ALPK1: variants seen among roughly 807,000 people sequenced by gnomAD.
ALPK1 encodes alpha kinase 1, also known as alpha-protein kinase 1.
Under a neutral mutation model 120.6 loss-of-function variants are expected in ALPK1, and 110 were observed. The observed-to-expected ratio is 0.91, with a 90% confidence interval of 0.78 to 1.07. The LOEUF is 1.07. ALPK1 is among the 50% of genes least tolerant of loss of function. The pLI is 0.00. For missense variants in ALPK1, 1,498 were observed against 1,483.9 expected (o/e 1.01, Z -0.16); for synonymous variants, 582 against 560.3 (o/e 1.04, Z -0.55).
intron 2 of ALPK1, chr4:112,358,262 C>A: frequency 1.7e-6 from 1 of 589,090 alleles, no homozygotes; most frequent in Non-Finnish European, 3.2e-6. Flanking sequence ...AGCCCAGCTG[C>A]CCTCCTGGGT....
intron 4 of ALPK1, among the ~76,000 whole-genome samples, chr4:112,387,833 A>G (rs1177992413): frequency 2.0e-5 from 3 of 152,214 alleles, no homozygotes; most frequent in African/African-American, 7.2e-5. Flanking sequence ...TTATGTAGGT[A>G]AACTTGTGTC....
At chr4:112,402,399 A>C (rs755128127) in intron 4 of ALPK1, among the ~76,000 whole-genome samples, 10 of 152,194 alleles carry the variant, frequency 6.6e-5, no homozygotes, top group Non-Finnish European at 1.2e-4. Flanking sequence ...AACCATGAAA[A>C]CAGCACACAC....
intron 2 of ALPK1, among the ~76,000 whole-genome samples, chr4:112,371,447 C>A (rs1731399898): frequency 6.6e-6 from 1 of 152,200 alleles, no homozygotes; most frequent in African/African-American, 2.4e-5. Flanking sequence ...CTAGTTCAGC[C>A]AACCTCTCTG....
At chr4:112,348,086 T>C (rs1730175589) in intron 2 of ALPK1, among the ~76,000 whole-genome samples, 1 of 152,160 alleles carries the variant, frequency 6.6e-6, no homozygotes, top group African/African-American at 2.4e-5. Context: ...AATCATCCCC[T>C]AAGCCAGGTG....
At chr4:112,376,483 T>G (rs1731667860) in intron 2 of ALPK1, among the ~76,000 whole-genome samples, 1 of 152,182 alleles carries the variant, frequency 6.6e-6, no homozygotes, top group Non-Finnish European at 1.5e-5. Flanking sequence ...AAAATTTAGA[T>G]TACACAGTTA....
intron 2 of ALPK1, among the ~76,000 whole-genome samples, chr4:112,334,093 C>T (rs1729508202): frequency 6.6e-6 from 1 of 151,980 alleles, no homozygotes; most frequent in African/African-American, 2.4e-5. Context: ...AACAAATTTC[C>T]CTCTAAAGCA....
chr4:112,326,543 G>A (rs1729127754), intron 2 of ALPK1, among the ~76,000 whole-genome samples: 1 of 152,100 alleles, frequency 6.6e-6, no homozygotes, highest in Admixed American at 6.5e-5. Context: ...AGAAAGAAAG[G>A]GAGGCAGGCT....
At position 112,297,398 on chromosome 4, in the gene ALPK1, G is replaced by C. The variant is rs1486643042; in HGVS notation, c.-224G>C. 6.6e-6 allele frequency: 1 copy of C among 151,862 alleles called. No homozygotes were observed. The highest frequency in any genetic ancestry group is 1.5e-5 in the Non-Finnish European group (1 of 67,956). 9.4% of individuals were successfully genotyped at this position (151,862 alleles called of 1,614,324 possible). On this transcript the variant is annotated 5_prime_UTR_variant, in exon 1 of 16. Coordinates refer to ENST00000650871, the MANE Select transcript of ALPK1 (RefSeq NM_025144.4). ...ATGAGAAACAGTGTGTTTCAGAGAG[G>C]CTGTACCAGAATTAACTCTGCTCAG...
At chr4:112,340,089 C>G in intron 2 of ALPK1, among the ~76,000 whole-genome samples, 1 of 152,154 alleles carries the variant, frequency 6.6e-6, no homozygotes. Flanking sequence ...GTTTATGAGT[C>G]TGGGTATGGA....
intron 4 of ALPK1, among the ~76,000 whole-genome samples, chr4:112,386,997 A>G (rs1056578418): frequency 4.6e-5 from 7 of 152,364 alleles, no homozygotes; most frequent in Non-Finnish European, 8.8e-5. Flanking sequence ...TCTGTGAAAG[A>G]GAACAGTAAG....
chr4:112,325,909 A>C (rs1729095895), intron 2 of ALPK1, among the ~76,000 whole-genome samples: 1 of 152,092 alleles, frequency 6.6e-6, no homozygotes, highest in Non-Finnish European at 1.5e-5. Flanking sequence ...AAAGGATTTC[A>C]CCCAGGCTTC....
chr4:112,392,941 G>A (rs182975822), intron 4 of ALPK1, among the ~76,000 whole-genome samples: 17 of 152,264 alleles, frequency 1.1e-4, no homozygotes, highest in Admixed American at 2.0e-4. Context: ...ACAAACAAAC[G>A]CTCAGGGGCT....
intron 3 of ALPK1, among the ~76,000 whole-genome samples, chr4:112,379,285 A>G (rs1401694480): frequency 2.0e-5 from 3 of 152,274 alleles, no homozygotes; most frequent in African/African-American, 4.8e-5. Flanking sequence ...AGATAAGGCA[A>G]ATCACGGCTG....
chr4:112,400,330 A>T (rs773262783), intron 4 of ALPK1, among the ~76,000 whole-genome samples: 1 of 152,232 alleles, frequency 6.6e-6, no homozygotes, highest in Non-Finnish European at 1.5e-5. Context: ...TGAAACACAT[A>T]GGTTCCAACT....
intron 2 of ALPK1, among the ~76,000 whole-genome samples, chr4:112,355,259 TG>T (rs1730548292): frequency 6.6e-6 from 1 of 152,234 alleles, no homozygotes; most frequent in Non-Finnish European, 1.5e-5. Flanking sequence ...TTAGATTTAT[TG>T]GGTTGTTGAA....
At chr4:112,357,904 G>A in intron 2 of ALPK1, 1 of 1,138,014 alleles carries the variant, frequency 8.8e-7, no homozygotes, top group South Asian at 1.3e-5. Flanking sequence ...CAGGAGCAAA[G>A]GCAGCTTCTC....
chr4:112,438,664 A>T lies in ALPK1; in HGVS notation c.3351+18A>T, dbSNP rs113132213. On this transcript the variant is annotated intron_variant, in intron 13 of 15. Transcript: ENST00000650871. ...TACTACTGGTAAGATTATCCTGAAC[A>T]CATCATTTGGATCTTCCAAATCACA... is the stretch of plus-strand genomic sequence containing the variant. 2 of 1,605,824 alleles carry T rather than the reference A, an allele frequency of 1.2e-6. No homozygotes were observed.
intron 2 of ALPK1, among the ~76,000 whole-genome samples, chr4:112,371,899 A>G (rs1578510104): frequency 6.6e-6 from 1 of 152,236 alleles, no homozygotes; most frequent in Non-Finnish European, 1.5e-5. Context: ...AACATGGTCT[A>G]TTTAGACTGC....
intron 3 of ALPK1, among the ~76,000 whole-genome samples, 178 bp from the exon 4 acceptor site, chr4:112,382,220 C>T (rs1380691755): frequency 6.6e-6 from 1 of 151,972 alleles, no homozygotes; most frequent in Non-Finnish European, 1.5e-5. Context: ...GATAGCTCCT[C>T]ACTGTTATTC....
Sources: allele counts gnomAD v4.1 joint callset (sites outside exome capture counted in the v4.1 genomes callset), GRCh38; gene constraint gnomAD v4.1.1; transcripts MANE v1.5; gene names NCBI Gene and HGNC (gene_info 2026-07-23, HGNC 2026-07-21).